The following F8 variants were observed in gnomAD, a reference collection of about 807,000 sequenced individuals.
F8 encodes the protein coagulation factor VIII.
A neutral mutation model predicts 140.6 loss-of-function variants in F8; 12 were observed. The observed-to-expected ratio is 0.09, with a 90% CI of 0.05 to 0.14. The LOEUF (loss-of-function observed/expected upper bound fraction) is 0.14. Ranked by LOEUF, F8 falls within the 10% of genes least tolerant of loss-of-function variation. The pLI, the probability that F8 is intolerant of heterozygous loss-of-function variation, is 1.00. For synonymous variants in F8, 585 were observed against 614.6 expected (o/e 0.95, Z 0.71); for missense variants, 1,354 against 1,720.7 (o/e 0.79, Z 3.77).
intron 3 of F8, among the ~76,000 whole-genome samples, chrX:154,996,539 A>C (rs1267465842): frequency 8.9e-6 from 1 of 112,037 alleles, no homozygotes; most frequent in Non-Finnish European, 1.9e-5. Flanking sequence ...TCTCTGGACC[A>C]ATCAACTGTG....
chrX:154,990,295 G>T (rs2073580440), intron 4 of F8, among the ~76,000 whole-genome samples: 1 of 111,146 alleles, frequency 9.0e-6, no homozygotes, highest in Non-Finnish European at 1.9e-5. Flanking sequence ...GAATATTTTT[G>T]ATATACCATT....
At chrX:154,998,554 G>A (rs190656054) in intron 2 of F8, among the ~76,000 whole-genome samples, 74 of 112,633 alleles carry the variant, frequency 6.6e-4, no homozygotes, top group African/African-American at 2.3e-3. Flanking sequence ...CTGCCAACAA[G>A]GAGACACCCC....
chrX:154,920,213 CTT>C (rs1181649131), intron 14 of F8: 4 of 101,865 alleles, frequency 3.9e-5, no homozygotes, highest in African/African-American at 3.5e-5. Context: ...TGCTTTCTTT[CTT>C]TTTTTTTTTT....
At chrX:154,971,952 A>G (rs1276613259) in intron 6 of F8, among the ~76,000 whole-genome samples, 1 of 112,365 alleles carries the variant, frequency 8.9e-6, no homozygotes, top group Non-Finnish European at 1.9e-5. Context: ...TTGATTTTAT[A>G]TCTTGACTAT....
intron 10 of F8, among the ~76,000 whole-genome samples, chrX:154,958,574 A>C (rs1038244648): frequency 3.6e-5 from 4 of 111,829 alleles, no homozygotes; most frequent in African/African-American, 1.3e-4. Context: ...AGAAATGCAA[A>C]TAAAGAATTC....
intron 12 of F8, among the ~76,000 whole-genome samples, chrX:154,953,428 A>G (rs1434428791): frequency 2.7e-5 from 3 of 112,101 alleles, no homozygotes; most frequent in African/African-American, 9.7e-5. Context: ...GCCTCAGAAG[A>G]AACCAACGTT....
chrX:154,992,177 A>G (rs781994608), intron 4 of F8, among the ~76,000 whole-genome samples: 1 of 111,729 alleles, frequency 9.0e-6, no homozygotes, highest in African/African-American at 3.3e-5. Context: ...ACACACTTAG[A>G]TAGGCCACCA....
At chrX:154,859,857 G>T (rs782290273) in intron 25 of F8, among the ~76,000 whole-genome samples, 2 of 111,111 alleles carry the variant, frequency 1.8e-5, no homozygotes, top group Non-Finnish European at 3.8e-5. Flanking sequence ...CCAGGTAGAA[G>T]AAATAGTATC....
At chrX:154,910,412 G>A (rs782494392) in intron 14 of F8, among the ~76,000 whole-genome samples, 4 of 92,651 alleles carry the variant, frequency 4.3e-5, no homozygotes, top group Admixed American at 2.3e-4. Flanking sequence ...CACACACCGG[G>A]GCCTGTCATG....
chrX:154,894,781 A>G (rs957720175), intron 22 of F8, among the ~76,000 whole-genome samples: 1 of 103,014 alleles, frequency 9.7e-6, no homozygotes, highest in African/African-American at 3.5e-5. Context: ...GCTGTAAGGA[A>G]GGCCAGGCCT....
At chrX:154,967,115 C>T (rs2073429333) in intron 7 of F8, among the ~76,000 whole-genome samples, 1 of 111,241 alleles carries the variant, frequency 9.0e-6, no homozygotes, top group Non-Finnish European at 1.9e-5. Context: ...ACTTTTATGA[C>T]TTCTTTCTCT....
At chrX:154,900,326 T>G (rs2073003045) in intron 20 of F8, among the ~76,000 whole-genome samples, 1 of 110,858 alleles carries the variant, frequency 9.0e-6, no homozygotes, top group Admixed American at 9.7e-5. Context: ...CTCCACCTCC[T>G]GAGTTCAAGC....
At chrX:154,907,744 G>C (rs1363658475) in intron 14 of F8, among the ~76,000 whole-genome samples, 4 of 111,120 alleles carry the variant, frequency 3.6e-5, no homozygotes, top group Admixed American at 1.9e-4. Context: ...CTTTTTTCTT[G>C]TTGAATCAAA....
intron 6 of F8, among the ~76,000 whole-genome samples, chrX:154,976,523 A>C (rs1557283001): frequency 1.8e-5 from 2 of 110,445 alleles, no homozygotes; most frequent in East Asian, 5.7e-4. Context: ...CACTGCACCC[A>C]CTAACTCGTC....
chrX:154,954,914 T>C (rs1025852987), intron 11 of F8, among the ~76,000 whole-genome samples: 1 of 111,447 alleles, frequency 9.0e-6, no homozygotes, highest in African/African-American at 3.3e-5. Flanking sequence ...TCTCTAAACA[T>C]ATGAAATGTT....
At chrX:154,905,627 G>A (rs2073034334) in intron 15 of F8, among the ~76,000 whole-genome samples, 2 of 111,177 alleles carry the variant, frequency 1.8e-5, no homozygotes, top group Non-Finnish European at 3.8e-5. Context: ...TAGTCTACAG[G>A]AAGTATTAAA....
At chrX:154,985,032 A>G (rs958201141) in intron 5 of F8, among the ~76,000 whole-genome samples, 1 of 112,426 alleles carries the variant, frequency 8.9e-6, no homozygotes, top group East Asian at 2.8e-4. Context: ...CCATTTGTCC[A>G]TGACAATAAG....
At chrX:154,957,881 CAAAA>C (rs1398376293) in intron 10 of F8, among the ~76,000 whole-genome samples, 1 of 44,376 alleles carries the variant, frequency 2.3e-5, no homozygotes. Context: ...ACTCTGTCTC[CAAAA>C]AAAAAAAAAA....
intron 6 of F8, among the ~76,000 whole-genome samples, chrX:154,983,064 C>G (rs1255364533): frequency 8.9e-6 from 1 of 112,024 alleles, no homozygotes; most frequent in African/African-American, 3.3e-5. Flanking sequence ...CCAACCCCCA[C>G]ATTGTTCAAG....
Sources: gnomAD v4.1 joint callset for allele counts (sites outside exome capture counted in the v4.1 genomes callset) on GRCh38, gnomAD v4.1.1 for gene constraint, MANE v1.5 for transcripts, NCBI Gene and HGNC (gene_info 2026-07-23, HGNC 2026-07-21) for gene names.